Variants in GABRB3 observed in about 807,000 individuals in gnomAD.
The protein encoded by GABRB3 is gamma-aminobutyric acid receptor subunit beta-3.
In GABRB3, 14 loss-of-function variants were observed where a neutral mutation model predicts 52.1. The observed-to-expected ratio is 0.27, with a 90% confidence interval of 0.18 to 0.42. GABRB3 has a LOEUF of 0.42. Ranked by LOEUF, GABRB3 falls within the 10% of genes least tolerant of loss-of-function variation. GABRB3 has a pLI of 1.00. For synonymous variants in GABRB3, 260 were observed against 232.3 expected (o/e 1.12, Z -1.08); for missense variants, 307 against 609.1 (o/e 0.50, Z 5.22).
intron 3 of GABRB3, among the ~76,000 whole-genome samples, chr15:26,732,549 G>T (rs987332757): frequency 6.7e-6 from 1 of 149,420 alleles, no homozygotes; most frequent in African/African-American, 2.5e-5. Flanking sequence ...GCAACATAGT[G>T]AGACCCCTTT....
At chr15:26,739,436 T>C (rs1190082115) in intron 3 of GABRB3, among the ~76,000 whole-genome samples, 1 of 152,106 alleles carries the variant, frequency 6.6e-6, no homozygotes, top group Non-Finnish European at 1.5e-5. Flanking sequence ...GTTGGTCCGA[T>C]ACTGTTGCTG....
chr15:26,598,384 T>A (rs1292946410), intron 4 of GABRB3, among the ~76,000 whole-genome samples: 3 of 152,126 alleles, frequency 2.0e-5, no homozygotes, highest in East Asian at 3.9e-4. Flanking sequence ...TGTCACCAAG[T>A]GGTGGAATAG....
At chr15:26,622,221 T>C (rs564771573) in intron 3 of GABRB3, among the ~76,000 whole-genome samples, 3 of 152,218 alleles carry the variant, frequency 2.0e-5, no homozygotes, top group South Asian at 2.1e-4. Context: ...GACAGGGCCA[T>C]GGTGTTGTCC....
At chr15:26,766,811 T>C (rs1013204978) in intron 3 of GABRB3, among the ~76,000 whole-genome samples, 1 of 152,036 alleles carries the variant, frequency 6.6e-6, no homozygotes, top group Non-Finnish European at 1.5e-5. Flanking sequence ...AAAGACAACA[T>C]ACCATAAGAT....
intron 7 of GABRB3, among the ~76,000 whole-genome samples, chr15:26,563,288 G>A (rs373268026): frequency 1.3e-5 from 2 of 152,280 alleles, no homozygotes; most frequent in African/African-American, 4.8e-5. Context: ...GAGGGACCTG[G>A]GCTAGGACCC....
intron 6 of GABRB3, among the ~76,000 whole-genome samples, chr15:26,573,167 G>C (rs889586521): frequency 5.3e-5 from 8 of 152,270 alleles, no homozygotes; most frequent in African/African-American, 1.7e-4. Flanking sequence ...CCATGGTGAG[G>C]CACTCCCACT....
chr15:26,623,370 G>C (rs112292144), intron 3 of GABRB3, among the ~76,000 whole-genome samples: 2,035 of 152,218 alleles, frequency 0.013, 41 homozygotes, highest in African/African-American at 0.046. Context: ...AGTATTAACC[G>C]TGCCTTTTAT....
At chr15:26,730,997 T>C (rs1889895266) in intron 3 of GABRB3, among the ~76,000 whole-genome samples, 1 of 152,184 alleles carries the variant, frequency 6.6e-6, no homozygotes, top group Non-Finnish European at 1.5e-5. Context: ...GTGTGATCTT[T>C]TCAGCCACTG....
chr15:26,576,957 T>A (rs1890615093), intron 6 of GABRB3, among the ~76,000 whole-genome samples: 1 of 152,164 alleles, frequency 6.6e-6, no homozygotes, highest in Non-Finnish European at 1.5e-5. Context: ...CCTCCAGCTG[T>A]CTAGTAGAAG....
chr15:26,549,275 G>C (rs901677708), intron 8 of GABRB3, among the ~76,000 whole-genome samples: 5 of 152,194 alleles, frequency 3.3e-5, no homozygotes, highest in African/African-American at 1.2e-4. Context: ...GGTGGTGAGA[G>C]GAGTCCTGCC....
At chr15:26,704,971 G>A (rs975982640) in intron 3 of GABRB3, among the ~76,000 whole-genome samples, 122 of 152,142 alleles carry the variant, frequency 8.0e-4, no homozygotes, top group Non-Finnish European at 1.8e-4. Flanking sequence ...CTTCAGAACT[G>A]TCCCAAGCAC....
rs756626803 is a variant in GABRB3, at chr15:26,561,094, A to T, written c.918T>A (p.Ile306=). The change falls in exon 8 of 9, where the codon ATT becomes ATA. Residue 306 remains isoleucine (I), a synonymous_variant. Coordinates refer to ENST00000311550, the MANE Select transcript of GABRB3 (RefSeq NM_000814.6). The part of the protein sequence containing the change: ...TLPKIPYVKA[I]DMYLMGCFVF... ...CGAAGCAGCCCATAAGGTACATGTC[A>T]ATGGCTTTGACATAGGGGATTTTGG... The T allele has an allele frequency of 5.0e-6, 8 of 1,614,064 alleles. No homozygotes were observed. The African/African-American group carries it at 1.1e-4, about 22-fold the overall frequency.
At chr15:26,754,663 T>C (rs558194718) in intron 3 of GABRB3, among the ~76,000 whole-genome samples, 23 of 152,182 alleles carry the variant, frequency 1.5e-4, no homozygotes, top group Admixed American at 3.3e-4. Flanking sequence ...GTTACCCATG[T>C]AGGCAAAGTA....
intron 3 of GABRB3, among the ~76,000 whole-genome samples, chr15:26,703,563 A>C (rs554363161): frequency 3.9e-5 from 6 of 152,342 alleles, no homozygotes; most frequent in Admixed American, 1.3e-4. Context: ...TTTGAAGTCT[A>C]AAGTCCAAAA....
chr15:26,675,324 C>A (rs1379748991), intron 3 of GABRB3, among the ~76,000 whole-genome samples: 1 of 152,200 alleles, frequency 6.6e-6, no homozygotes, highest in Non-Finnish European at 1.5e-5. Context: ...AGCTCCACCA[C>A]CTTCTGTTCA....
At chr15:26,744,632 G>A (rs537295826) in intron 3 of GABRB3, among the ~76,000 whole-genome samples, 1 of 152,152 alleles carries the variant, frequency 6.6e-6, no homozygotes, top group East Asian at 1.9e-4. Flanking sequence ...CACCATGTTG[G>A]CCAGGCTGGT....
chr15:26,770,374 T>C (rs879269533), intron 3 of GABRB3, among the ~76,000 whole-genome samples: 2 of 152,226 alleles, frequency 1.3e-5, no homozygotes, highest in African/African-American at 2.4e-5. Flanking sequence ...CTGTTGGCTA[T>C]GGAATATACA....
In GABRB3 at chr15:26,772,941, T is replaced by C; in HGVS notation, c.22A>G (p.Arg8Gly). Residue 8 changes from arginine to glycine, a missense_variant, in exon 1 of 9, where the codon AGG becomes GGG. By Grantham distance (125) the Arg-to-Gly change is moderately radical. Transcript: ENST00000311550. MWGLAGG[R>G]LFGIFSAPVL... ...GGGGCCGAGAAGATGCCGAAAAGCC[T>C]TCCTCCCGCAAGGCCCCACATCCCT... 1 of 1,478,072 alleles carries C rather than the reference T, an allele frequency of 6.8e-7. No individual in the cohort carries two copies. Among genetic ancestry groups the C allele is most frequent in the South Asian group, 1.3e-5 (1 of 78,870 alleles). 91.6% of individuals were successfully genotyped at this position (1,478,072 alleles called of 1,614,324 possible). A position where few individuals can be genotyped will look rare whatever the true frequency, so the allele number is the denominator to read the frequency against.
intron 4 of GABRB3, among the ~76,000 whole-genome samples, chr15:26,603,402 C>G (rs999837428): frequency 5.9e-5 from 9 of 151,974 alleles, no homozygotes; most frequent in African/African-American, 2.2e-4. Flanking sequence ...CAAACTCATT[C>G]TCTGAAGCCA....
Sources: allele counts gnomAD v4.1 joint callset (sites outside exome capture counted in the v4.1 genomes callset), GRCh38; gene constraint gnomAD v4.1.1; transcripts MANE v1.5; gene names NCBI Gene and HGNC (gene_info 2026-07-23, HGNC 2026-07-21).